EMSY: variants seen among roughly 807,000 people sequenced by gnomAD.
EMSY encodes EMSY transcriptional repressor, BRCA2 interacting.
EMSY carries 26 observed loss-of-function variants against 134.6 expected under a neutral mutation model. That is an observed-to-expected ratio of 0.19 (90% CI 0.14 to 0.27). EMSY has a LOEUF of 0.27. Ranked by LOEUF, EMSY falls within the 10% of genes least tolerant of loss-of-function variation. The pLI is 1.00. For missense variants in EMSY, 1,305 were observed against 1,611.4 expected, an observed-to-expected ratio of 0.81 and a Z score of 3.26; for synonymous variants, 579 against 577.8, an observed-to-expected ratio of 1.00 and a Z score of -0.03.
chr11:76,451,607 A>G (rs779132214), intron 2 of EMSY, among the ~76,000 whole-genome samples: 1 of 152,204 alleles, frequency 6.6e-6, no homozygotes, highest in Non-Finnish European at 1.5e-5. Context: ...CAATGTGTGA[A>G]ACAAAATATC....
At chr11:76,460,137 C>A (rs762963834) in intron 6 of EMSY, 52 bp downstream of exon 7, 1 of 1,591,718 alleles carries the variant, frequency 6.3e-7, no homozygotes, top group South Asian at 1.1e-5. Flanking sequence ...ATGCTGCAGT[C>A]TAGGCTCTGA....
rs531713649 is a variant in EMSY, at chr11:76,496,229, G to T, written c.1123G>T (p.Ala375Ser). ...CTTTTCTACAGGTGTATCTACATCA[G>T]CAATCAAAATGGCATCAACCAGACT... The change falls in exon 9 of 21, where the codon GCA becomes TCA. Residue 375 changes from alanine to serine, a missense_variant. By Grantham distance (99) the Ala-to-Ser change is moderately conservative. Transcript: ENST00000334736. 3.7e-6 allele frequency: 6 copies of T among 1,613,714 alleles called. No individual in the cohort carries two copies. The African/African-American group carries it at 4.0e-5, about 11-fold the overall frequency.
chr11:76,493,479 G>A (rs1949507289), intron 8 of EMSY, among the ~76,000 whole-genome samples: 1 of 152,136 alleles, frequency 6.6e-6, no homozygotes, highest in African/African-American at 2.4e-5. Flanking sequence ...AGGTGGAGTC[G>A]AGACTGGAGT....
intron 8 of EMSY, among the ~76,000 whole-genome samples, chr11:76,475,797 G>T (rs1948749862): frequency 6.6e-6 from 1 of 152,190 alleles, no homozygotes; most frequent in East Asian, 1.9e-4. Context: ...AGGCAAGAGG[G>T]CATTCAGTGT....
At chr11:76,456,695 T>A (rs1947887106) in intron 4 of EMSY, among the ~76,000 whole-genome samples, 1 of 152,200 alleles carries the variant, frequency 6.6e-6, no homozygotes, top group South Asian at 2.1e-4. Context: ...TCCCCTTTCC[T>A]TTGTCTTAGG....
intron 1 of EMSY, among the ~76,000 whole-genome samples, chr11:76,445,629 C>G (rs370271428): frequency 2.6e-5 from 4 of 152,128 alleles, no homozygotes; most frequent in African/African-American, 7.2e-5. Context: ...CTACAAGATC[C>G]TGGTTCCCCG....
intron 16 of EMSY, among the ~76,000 whole-genome samples, chr11:76,539,007 T>C (rs1026753546): frequency 1.3e-5 from 2 of 152,150 alleles, no homozygotes; most frequent in Non-Finnish European, 2.9e-5. Flanking sequence ...ATTTAAATAC[T>C]TACAAGTTCT....
In EMSY at chr11:76,463,803, A is replaced by G. The variant is rs1043914191; in HGVS notation, c.572-18A>G. 35 of 1,613,454 alleles carry G rather than the reference A, an allele frequency of 2.2e-5. No homozygotes were observed. Among genetic ancestry groups the G allele is most frequent in the Non-Finnish European group, 3.0e-5 (35 of 1,179,750 alleles). On this transcript the variant is annotated intron_variant, in intron 6 of 20. Transcript: ENST00000334736. Reference sequence around the variant, plus strand: ...ATTAGTTTGGTATACATATAGCAGTATTGTCATTGCCCTTCAGGTGTAAGC... The same window carrying G: ...ATTAGTTTGGTATACATATAGCAGTGTTGTCATTGCCCTTCAGGTGTAAGC...
chr11:76,516,275 C>G (rs2136166591), exon 11 of EMSY: 3 of 1,612,052 alleles, frequency 1.9e-6, no homozygotes, highest in Non-Finnish European at 2.5e-6. Context: ...CATTAGCTAC[C>G]TTGGGGGGCA....
chr11:76,510,244 T>C (rs952972853), intron 9 of EMSY, among the ~76,000 whole-genome samples: 1 of 152,166 alleles, frequency 6.6e-6, no homozygotes. Context: ...TCCCAGCTAC[T>C]CTGAAGGTTG....
At chr11:76,509,786 A>C (rs1222650436) in intron 9 of EMSY, among the ~76,000 whole-genome samples, 1 of 152,244 alleles carries the variant, frequency 6.6e-6, no homozygotes, top group African/African-American at 2.4e-5. Flanking sequence ...ATAAGAAACT[A>C]AGCTTTTGTT....
chr11:76,538,315 A>G (rs994119935), intron 16 of EMSY, among the ~76,000 whole-genome samples: 2 of 152,172 alleles, frequency 1.3e-5, no homozygotes, highest in Admixed American at 1.3e-4. Context: ...GCTGGAGTGC[A>G]GTGGCGCGAT....
chr11:76,546,989 C>A, intron 20 of EMSY: 1 of 434,676 alleles, frequency 2.3e-6, no homozygotes, highest in Non-Finnish European at 4.6e-6. Flanking sequence ...ACCTCACATT[C>A]CCTTGATTCT....
At position 76,501,651 on chromosome 11, in the gene EMSY, AAG is replaced by A. The variant is rs1258923895; in HGVS notation, c.1363+5186_1363+5187del. On this transcript the variant is annotated intron_variant, in intron 9 of 20. Coordinates refer to ENST00000334736, the Ensembl canonical transcript of EMSY. ...TAGAGGTTATGTGAGCTGAAGAACAAAGAGAAGAAACAATGAAGAAAAGTTAA... is the reference window on the plus strand; with the variant it reads ...TAGAGGTTATGTGAGCTGAAGAACAAAGAAGAAACAATGAAGAAAAGTTAA... Among the ~76,000 whole-genome samples the A allele has an allele frequency of 4.6e-5, 7 of 152,266 alleles. No individual in the cohort carries two copies. In the East Asian group the frequency reaches 1.3e-3, roughly 29 times the overall value.
chr11:76,471,908 C>T lies in EMSY; in HGVS notation c.832-656C>T, dbSNP rs145147439. ...GCCTTTGTATTTACTGCTCCCTGTG[C>T]TGATGGATGGTCTTCTGGGTAGCAC... On this transcript the variant is annotated intron_variant, in intron 7 of 20. Transcript: ENST00000334736. Among the ~76,000 whole-genome samples, 13 of 152,274 alleles carry T rather than the reference C, an allele frequency of 8.5e-5. No individual in the cohort carries two copies. In the East Asian group the frequency reaches 2.3e-3, roughly 27 times the overall value.
intron 7 of EMSY, among the ~76,000 whole-genome samples, chr11:76,468,330 A>G (rs971308297): frequency 2.0e-5 from 3 of 152,188 alleles, no homozygotes; most frequent in African/African-American, 7.2e-5. Context: ...AAAAAAAACA[A>G]ATGTTTAAAA....
chr11:76,538,132 A>T (rs183442280), intron 16 of EMSY, among the ~76,000 whole-genome samples, 182 bp downstream of exon 17: 2 of 152,350 alleles, frequency 1.3e-5, no homozygotes, highest in Admixed American at 1.3e-4. Flanking sequence ...AAAAAATAGG[A>T]TGTTATGAAG....
intron 8 of EMSY, among the ~76,000 whole-genome samples, chr11:76,484,723 G>A (rs781730800): frequency 3.3e-5 from 5 of 151,888 alleles, no homozygotes; most frequent in Non-Finnish European, 7.4e-5. Context: ...CCCTGAGGTC[G>A]GGAGTTCGAG....
chr11:76,454,706 A>T, intron 4 of EMSY, 43 bp from the exon 5 acceptor site: 2 of 1,307,910 alleles, frequency 1.5e-6, no homozygotes, highest in African/African-American at 1.5e-5. Context: ...TACTTAAAGG[A>T]TAACATTTAT....
Sources: allele counts gnomAD v4.1 joint callset (sites outside exome capture counted in the v4.1 genomes callset), GRCh38; gene constraint gnomAD v4.1.1; transcripts MANE v1.5; gene names NCBI Gene and HGNC (gene_info 2026-07-23, HGNC 2026-07-21).